The following RNF7 variants were observed in gnomAD, a reference collection of about 807,000 sequenced individuals.
The protein encoded by RNF7 is RING-box protein 2.
RNF7 carries 9 observed loss-of-function variants against 17.0 expected under a neutral mutation model. The observed-to-expected ratio is 0.53, with a 90% CI of 0.32 to 0.92. The LOEUF is 0.92. Among genes scored for constraint, RNF7 ranks in the 40% least tolerant of loss-of-function variants. RNF7 has a pLI of 0.04. For missense variants in RNF7, 87 were observed against 145.8 expected (o/e 0.60, Z 2.08); for synonymous variants, 59 against 50.5 (o/e 1.17, Z -0.72).
Position 141,738,497 on chromosome 3 carries a change from CT to C in RNF7, c.157del (p.Cys53AlafsTer5), listed in dbSNP as rs2084380778. The C allele has an allele frequency of 6.2e-7, 1 of 1,613,392 alleles. No homozygotes were observed. Among genetic ancestry groups the C allele is most frequent in the Non-Finnish European group, 8.5e-7 (1 of 1,179,680 alleles). On this transcript the variant is annotated frameshift_variant, in exon 1 of 3. Transcript: ENST00000273480. LOFTEE classifies it high-confidence loss of function. ...ACGTGGAGTGCGATACGTGCGCCAT[CT>C]GCAGGGTCCAGGTGATGGGTAAGCG... is the stretch of plus-strand genomic sequence containing the variant. ...WDVECDTCAI[C>X]RVQVMDACLR... is the part of the protein sequence containing the mutation.
At chr3:141,738,995 A>G (rs2107853432) in intron 1 of RNF7, among the ~76,000 whole-genome samples, 1 of 152,348 alleles carries the variant, frequency 6.6e-6, no homozygotes, top group East Asian at 1.9e-4. Context: ...GATGCTCCAG[A>G]GTCATCTTCC....
rs938732889 is a variant in RNF7, at chr3:141,746,746, A to G, written c.*1469A>G. On this transcript the variant is annotated 3_prime_UTR_variant, in exon 3 of 3. Transcript: ENST00000273480. ...TTTTCAATCTAAGGGATGTGGATAC[A>G]TAGAATGTTTAAAAAGATAACAATT... 3.3e-5 allele frequency: 5 copies of G among 151,916 alleles called. No homozygotes were observed. Among genetic ancestry groups the G allele is most frequent in the Non-Finnish European group, 5.9e-5 (4 of 67,872 alleles). The allele number at this position is 151,916 out of a possible 1,614,324, so 9.4% of individuals were successfully genotyped here. A position where few individuals can be genotyped will look rare whatever the true frequency, so the allele number is the denominator to read the frequency against.
chr3:141,740,471 A>G (rs1231704027), intron 1 of RNF7, among the ~76,000 whole-genome samples: 2 of 152,176 alleles, frequency 1.3e-5, no homozygotes, highest in African/African-American at 4.8e-5. Flanking sequence ...TTCATCATAA[A>G]CTTTCTAATT....
chr3:141,742,405 T>C (rs1020492970), intron 1 of RNF7, among the ~76,000 whole-genome samples: 2 of 151,946 alleles, frequency 1.3e-5, no homozygotes, highest in African/African-American at 4.8e-5. Context: ...TTTTTGTATT[T>C]TTAGTAGAGA....
chr3:141,741,329 G>C (rs1469170155), intron 1 of RNF7, among the ~76,000 whole-genome samples: 2 of 152,178 alleles, frequency 1.3e-5, no homozygotes, highest in Non-Finnish European at 2.9e-5. Context: ...GGTGTCCCCA[G>C]TGCATAACTC....
chr3:141,740,640 A>T (rs1326221938), intron 1 of RNF7, among the ~76,000 whole-genome samples: 1 of 152,198 alleles, frequency 6.6e-6, no homozygotes, highest in African/African-American at 2.4e-5. Flanking sequence ...TTTTTTTTCC[A>T]GACTTCCTAG....
At chr3:141,743,591 T>C in intron 2 of RNF7, 35 bp downstream of exon 2, 2 of 1,534,398 alleles carry the variant, frequency 1.3e-6, no homozygotes, top group Non-Finnish European at 1.8e-6. Flanking sequence ...CTTTTTCAAC[T>C]GAAGGTTTTC....
chr3:141,738,862 G>C (rs925975282), intron 1 of RNF7, among the ~76,000 whole-genome samples: 1 of 152,258 alleles, frequency 6.6e-6, no homozygotes, highest in African/African-American at 2.4e-5. Flanking sequence ...TTGGGAACTA[G>C]CAGGAAACAC....
chr3:141,746,779 AAAATT>A lies in RNF7; in HGVS notation c.*1506_*1510del, dbSNP rs371512177. 239 of 152,356 alleles carry A rather than the reference AAAATT, an allele frequency of 1.6e-3. No homozygotes were observed. Among genetic ancestry groups the A allele is most frequent in the African/African-American group, 5.6e-3 (231 of 41,580 alleles). The allele number at this position is 152,356 out of a possible 1,614,324, so 9.4% of individuals were successfully genotyped here. Reference sequence around the variant, plus strand: ...TTTAAAAAGATAACAATTAGAATGAAAAATTAAAATTATGTATGCTTTTATATGGG... The same window carrying A: ...TTTAAAAAGATAACAATTAGAATGAAAAAATTATGTATGCTTTTATATGGG... On this transcript the variant is annotated 3_prime_UTR_variant, in exon 3 of 3. Transcript: ENST00000273480.
intron 1 of RNF7, among the ~76,000 whole-genome samples, chr3:141,740,690 C>T (rs2084407167): frequency 6.6e-6 from 1 of 152,124 alleles, no homozygotes; most frequent in Non-Finnish European, 1.5e-5. Flanking sequence ...TTATTGTACT[C>T]CTTAGAAATG....
At position 141,745,983 on chromosome 3, in the gene RNF7, T is replaced by TC. The variant is rs1472804511; in HGVS notation, c.*706_*707insC. 1 of 151,670 alleles carries TC rather than the reference T, an allele frequency of 6.6e-6. No individual in the cohort carries two copies. Among genetic ancestry groups the TC allele is most frequent in the East Asian group, 1.9e-4 (1 of 5,190 alleles). The allele number at this position is 151,670 out of a possible 1,614,324, so 9.4% of individuals were successfully genotyped here. ...TGGTCAGATGATATAATTTTTTTTTTTTTTTTTTGTGGGGGTGAAGTCTTG... is the reference window on the plus strand; with the variant it reads ...TGGTCAGATGATATAATTTTTTTTTTCTTTTTTTTGTGGGGGTGAAGTCTTG... On this transcript the variant is annotated 3_prime_UTR_variant, in exon 3 of 3. Transcript: ENST00000273480.
intron 2 of RNF7, 105 bp from the exon 3 acceptor site, chr3:141,745,054 A>G (rs2084457826): frequency 1.4e-6 from 1 of 702,732 alleles, no homozygotes; most frequent in Non-Finnish European, 2.3e-6. Context: ...CCAATTAACT[A>G]TCTTTTTTCA....
rs758795421 is a variant in RNF7, at chr3:141,738,417, G to A, written c.76G>A (p.Gly26Ser). Residue 26 changes from glycine to serine, a missense_variant, in exon 1 of 3, where the codon GGC becomes AGC. Around this residue, in one of 2 missense-constraint regions of RNF7, gnomAD observed 51 missense variants for 41.0 expected, o/e 1.24. Coordinates refer to ENST00000273480, the MANE Select transcript of RNF7 (RefSeq NM_014245.5). ...CGGGAGCTCAGGCTCCAAGTCGGGAGGCGACAAGATGTTCTCCCTCAAGAA... is the reference window on the plus strand; with the variant it reads ...CGGGAGCTCAGGCTCCAAGTCGGGAAGCGACAAGATGTTCTCCCTCAAGAA... ...HSGSSGSKSG[G>S]DKMFSLKKWN... 1 of 1,611,328 alleles carries A rather than the reference G, an allele frequency of 6.2e-7. No homozygotes were observed.
At chr3:141,742,652 A>G in intron 1 of RNF7, 1 of 1,145,016 alleles carries the variant, frequency 8.7e-7, no homozygotes, top group South Asian at 1.3e-5. Flanking sequence ...AGATGAGGGA[A>G]TTGGAGTTCG....
At position 141,746,868 on chromosome 3, in the gene RNF7, C is replaced by G. The variant is rs758957889; in HGVS notation, c.*1591C>G. 2 of 152,138 alleles carry G rather than the reference C, an allele frequency of 1.3e-5. No individual in the cohort carries two copies. Among genetic ancestry groups the G allele is most frequent in the African/African-American group, 2.4e-5 (1 of 41,454 alleles). 9.4% of individuals were successfully genotyped at this position (152,138 alleles called of 1,614,324 possible). A position where few individuals can be genotyped will look rare whatever the true frequency, so the allele number is the denominator to read the frequency against. On this transcript the variant is annotated 3_prime_UTR_variant, in exon 3 of 3. Coordinates refer to ENST00000273480, the MANE Select transcript of RNF7 (RefSeq NM_014245.5). ...TTTCTTTATATTTTTTCACAGTTGT[C>G]TTTCTAGCTACTGAAAAAATTATAC...
chr3:141,739,087 C>A (rs2084388687), intron 1 of RNF7, among the ~76,000 whole-genome samples: 1 of 152,250 alleles, frequency 6.6e-6, no homozygotes, highest in Non-Finnish European at 1.5e-5. Flanking sequence ...CTTACCGCCG[C>A]TCTTCGAATG....
At position 141,745,384 on chromosome 3, in the gene RNF7, G is replaced by A. The variant is rs1253010005; in HGVS notation, c.*107G>A. On this transcript the variant is annotated 3_prime_UTR_variant, in exon 3 of 3. Coordinates refer to ENST00000273480, the MANE Select transcript of RNF7 (RefSeq NM_014245.5). ...CTACAGGGGATGAATTCTTCAAATA[G>A]GAGCCGATGGATCTGTGGTCCTTTG... 1.6e-6 allele frequency: 1 copy of A among 640,388 alleles called. No individual in the cohort carries two copies. Among genetic ancestry groups the A allele is most frequent in the African/African-American group, 1.9e-5 (1 of 54,012 alleles). The allele number at this position is 640,388 out of a possible 1,614,324, so 39.7% of individuals were successfully genotyped here.
At chr3:141,742,823 T>G in intron 1 of RNF7, 2 of 1,184,866 alleles carry the variant, frequency 1.7e-6, no homozygotes, top group Non-Finnish European at 1.1e-6. Context: ...ACAAAGCAGT[T>G]TATTTTAGAG....
intron 2 of RNF7, among the ~76,000 whole-genome samples, chr3:141,744,343 C>A (rs140291324): frequency 2.0e-3 from 300 of 151,874 alleles, no homozygotes; most frequent in Non-Finnish European, 3.1e-3. Flanking sequence ...TTTTTTTCTG[C>A]CTTATTTCTT....
Sources: allele counts gnomAD v4.1 joint callset (sites outside exome capture counted in the v4.1 genomes callset), GRCh38; gene constraint gnomAD v4.1.1; regional missense constraint gnomAD v4.1.1; transcripts MANE v1.5; gene names NCBI Gene and HGNC (gene_info 2026-07-23, HGNC 2026-07-21).